The following CCDC158 variants were observed in gnomAD, a reference collection of about 807,000 sequenced individuals.
CCDC158 encodes the protein coiled-coil domain containing 158.
A neutral mutation model predicts 138.6 loss-of-function variants in CCDC158; 116 were observed. The ratio of observed to expected loss-of-function variants is 0.84; its 90% confidence interval spans 0.72 to 0.98. The LOEUF (loss-of-function observed/expected upper bound fraction) is 0.98. Ranked by LOEUF, CCDC158 falls within the 50% of genes least tolerant of loss-of-function variation. The pLI is 0.00. For synonymous variants in CCDC158, 436 were observed against 442.4 expected (o/e 0.99, Z 0.18); for missense variants, 1,265 against 1,306.1 (o/e 0.97, Z 0.48).
chr4:76,351,933 T>C (rs186127925), intron 16 of CCDC158, 121 bp from the exon 17 acceptor site: 9 of 626,490 alleles, frequency 1.4e-5, no homozygotes, highest in Non-Finnish European at 2.3e-5. Flanking sequence ...TACCAAACTA[T>C]ATTACAATGA....
At chr4:76,348,266 T>C (rs1291070384) in intron 18 of CCDC158, among the ~76,000 whole-genome samples, 6 of 37,148 alleles carry the variant, frequency 1.6e-4, no homozygotes, top group Admixed American at 1.2e-3. Flanking sequence ...CTACTAAATA[T>C]ACAAAAAAAA....
upstream of CCDC158, among the ~76,000 whole-genome samples, chr4:76,421,197 C>T (rs1294031153): frequency 6.6e-6 from 1 of 150,902 alleles, no homozygotes; most frequent in Non-Finnish European, 1.5e-5. Flanking sequence ...CCAGTCCGCG[C>T]GAGCCGCGTG....
rs957081686 is a variant in CCDC158 at position 76,396,606 on chromosome 4, G to A, written c.71-120C>T. ...GCTCACTGCAACCTCTGCCTCCCGG[G>A]TTCAAGCAATTCTCCTGCCTCAGCC... On this transcript the variant is annotated intron_variant, in intron 3 of 24. Coordinates refer to ENST00000682701, the MANE Select transcript of CCDC158 (RefSeq NM_001394954.1). 8 of 664,928 alleles carry A rather than the reference G, an allele frequency of 1.2e-5. No individual in the cohort carries two copies. The Admixed American group carries it at 1.5e-4, about 12-fold the overall frequency. 41.2% of individuals were successfully genotyped at this position (664,928 alleles called of 1,614,324 possible).
chr4:76,362,720 G>A (rs12651059), intron 12 of CCDC158, among the ~76,000 whole-genome samples: 4,542 of 152,288 alleles, frequency 0.03, 252 homozygotes, highest in East Asian at 0.21. Flanking sequence ...TGCAAGTGAA[G>A]CAGCTAGGTG....
intron 23 of CCDC158, among the ~76,000 whole-genome samples, chr4:76,325,554 G>GC (rs1720443709): frequency 1.3e-5 from 2 of 152,174 alleles, no homozygotes; most frequent in African/African-American, 4.8e-5. Context: ...AGAAAGAAAA[G>GC]TAGTTCACAG....
At chr4:76,393,566 A>G (rs28812796) in intron 4 of CCDC158, among the ~76,000 whole-genome samples, 4,478 of 152,020 alleles carry the variant, frequency 0.029, 220 homozygotes, top group African/African-American at 0.1. Context: ...TCAGGCACTG[A>G]TCTGGGCAAA....
In CCDC158 at chr4:76,350,414, T is replaced by C. The variant is rs1722938941; in HGVS notation, c.2664+582A>G. Among the ~76,000 whole-genome samples, 4 of 152,328 alleles carry C rather than the reference T, an allele frequency of 2.6e-5. No individual in the cohort carries two copies. In the South Asian group the frequency reaches 8.3e-4, roughly 32 times the overall value. On this transcript the variant is annotated intron_variant, in intron 18 of 24. Transcript: ENST00000682701. ...TGATTTTCATGTGTGATTTATGGAA[T>C]GCCTTATTTCTTTACAGTTGAATAC...
chr4:76,334,182 T>C lies in CCDC158; in HGVS notation c.2665-15A>G. ...TTTGTAGAGTGCTGAGTTAAAACAA[T>C]TTACAAAGACACTTATTTTTTCAGA... is the stretch of plus-strand genomic sequence containing the variant. On this transcript the variant is annotated splice_polypyrimidine_tract_variant and intron_variant, in intron 18 of 24. Coordinates refer to ENST00000682701, the MANE Select transcript of CCDC158 (RefSeq NM_001394954.1). The C allele has an allele frequency of 6.6e-7, 1 of 1,521,486 alleles. No individual in the cohort carries two copies. Among genetic ancestry groups the C allele is most frequent in the Non-Finnish European group, 8.9e-7 (1 of 1,125,024 alleles). The allele number at this position is 1,521,486 out of a possible 1,614,324, so 94.2% of individuals were successfully genotyped here.
intron 23 of CCDC158, among the ~76,000 whole-genome samples, chr4:76,324,766 A>G (rs908806710): frequency 5.3e-5 from 8 of 152,104 alleles, no homozygotes; most frequent in African/African-American, 1.9e-4. Flanking sequence ...TACGGCAGGT[A>G]GCAAGTACCT....
chr4:76,398,887 A>T (rs28813715), intron 3 of CCDC158, among the ~76,000 whole-genome samples: 4,481 of 152,256 alleles, frequency 0.029, 222 homozygotes, highest in African/African-American at 0.1. Flanking sequence ...AATAAGGAGA[A>T]CAAACAACCA....
upstream of CCDC158, among the ~76,000 whole-genome samples, chr4:76,421,442 G>A (rs1730121178): frequency 6.6e-6 from 1 of 152,054 alleles, no homozygotes; most frequent in Admixed American, 6.5e-5. Context: ...CCCTGGGTTC[G>A]GACCTGCACC....
At chr4:76,330,675 A>G (rs1016874952) in intron 21 of CCDC158, among the ~76,000 whole-genome samples, 1 of 152,198 alleles carries the variant, frequency 6.6e-6, no homozygotes, top group Non-Finnish European at 1.5e-5. Flanking sequence ...TATACAATAT[A>G]ACAACTATTT....
chr4:76,369,410 C>A lies in CCDC158; in HGVS notation c.1347+16G>T. 2.5e-6 allele frequency: 4 copies of A among 1,612,450 alleles called. No individual in the cohort carries two copies. The Middle Eastern group carries it at 6.9e-4, about 277-fold the overall frequency. ...GGAGATTGTTTGGCGATGGCACAGC[C>A]TGTGCAGGCACTGACCTGCCGCTCC... On this transcript the variant is annotated intron_variant, in intron 11 of 24. Coordinates refer to ENST00000682701, the MANE Select transcript of CCDC158 (RefSeq NM_001394954.1).
chr4:76,374,438 T>C (rs1054061090), intron 9 of CCDC158, among the ~76,000 whole-genome samples: 1 of 152,254 alleles, frequency 6.6e-6, no homozygotes, highest in Non-Finnish European at 1.5e-5. Flanking sequence ...CGAGGGGCAA[T>C]ATGATCAGGC....
chr4:76,383,767 G>A (rs1327107165), intron 6 of CCDC158, 29 bp from the exon 7 acceptor site: 2 of 1,487,814 alleles, frequency 1.3e-6, no homozygotes, highest in Non-Finnish European at 1.9e-6. Flanking sequence ...CACTGATTTA[G>A]TTACTGGTAA....
chr4:76,358,534 G>A (rs1015057824), intron 13 of CCDC158, among the ~76,000 whole-genome samples: 2 of 152,038 alleles, frequency 1.3e-5, no homozygotes, highest in African/African-American at 2.4e-5. Flanking sequence ...GCCCTCATTC[G>A]TTTCACTTTT....
chr4:76,405,431 TC>T (rs1167386742), intron 2 of CCDC158, among the ~76,000 whole-genome samples: 2 of 152,190 alleles, frequency 1.3e-5, no homozygotes, highest in Non-Finnish European at 2.9e-5. Flanking sequence ...TGTGGCAGTG[TC>T]TACAACTGGT....
At chr4:76,417,061 A>G (rs1459551179) in intron 1 of CCDC158, among the ~76,000 whole-genome samples, 5 of 152,072 alleles carry the variant, frequency 3.3e-5, no homozygotes, top group Non-Finnish European at 5.9e-5. Flanking sequence ...GTACCCTGCA[A>G]AGCCACAGGG....
chr4:76,412,800 C>A (rs1729394821), intron 1 of CCDC158, among the ~76,000 whole-genome samples: 1 of 152,100 alleles, frequency 6.6e-6, no homozygotes, highest in Admixed American at 6.5e-5. Context: ...CATGTTTTTA[C>A]AACAAAATGT....
Sources: gnomAD v4.1 joint callset for allele counts (sites outside exome capture counted in the v4.1 genomes callset) on GRCh38, gnomAD v4.1.1 for gene constraint, MANE v1.5 for transcripts, NCBI Gene and HGNC (gene_info 2026-07-23, HGNC 2026-07-21) for gene names.